The following EDEM3 variants were observed in gnomAD, a reference collection of about 807,000 sequenced individuals.
EDEM3 encodes the protein ER degradation-enhancing alpha-mannosidase-like protein 3.
In EDEM3, 60 loss-of-function variants were observed where a neutral mutation model predicts 110.2. The ratio of observed to expected loss-of-function variants is 0.54; its 90% CI spans 0.44 to 0.67. The LOEUF is 0.67. EDEM3 is among the 30% of genes least tolerant of loss of function. The pLI is 0.00. For missense variants in EDEM3, 996 were observed against 1,121.0 expected, an observed-to-expected ratio of 0.89 and a Z score of 1.59; for synonymous variants, 352 against 382.9, an observed-to-expected ratio of 0.92 and a Z score of 0.94.
Position 184,693,873 on chromosome 1 carries a change from G to T in EDEM3, c.*190C>A. The T allele has an allele frequency of 3.3e-6, 2 of 601,342 alleles. No individual in the cohort carries two copies. The highest frequency in any genetic ancestry group is 5.6e-6 in the Non-Finnish European group (2 of 358,892). The allele number at this position is 601,342 out of a possible 1,614,324, so 37.3% of individuals were successfully genotyped here. A position where few individuals can be genotyped will look rare whatever the true frequency, so the allele number is the denominator to read the frequency against. On this transcript the variant is annotated 3_prime_UTR_variant, in exon 20 of 20. Transcript: ENST00000318130. The stretch of plus-strand genomic sequence containing the variant: ...GTGGATTTCCATTTTTGATGGGACA[G>T]TTTTAAACAAGGTCAATTCTAACAC...
At chr1:184,729,495 T>C (rs2102103570) in intron 6 of EDEM3, among the ~76,000 whole-genome samples, 1 of 152,340 alleles carries the variant, frequency 6.6e-6, no homozygotes, top group Non-Finnish European at 1.5e-5. Context: ...GAAATGGCAT[T>C]ACAAAGTACG....
rs1650047285 is a variant in EDEM3, at chr1:184,708,348, T to C, written c.1846-4A>G. The C allele has an allele frequency of 8.1e-6, 13 of 1,605,166 alleles. No homozygotes were observed. Among genetic ancestry groups the C allele is most frequent in the South Asian group, 2.2e-5 (2 of 88,920 alleles). ...CAGCGTCGATTGAACTAGCAGCCTA[T>C]GAAAAAAACAAATTCATTTTATCCT... On this transcript the variant is annotated splice_region_variant and splice_polypyrimidine_tract_variant and intron_variant, in intron 16 of 19. Coordinates refer to ENST00000318130, the MANE Select transcript of EDEM3 (RefSeq NM_025191.4).
intron 9 of EDEM3, among the ~76,000 whole-genome samples, chr1:184,720,353 G>A (rs936144002): frequency 6.6e-6 from 1 of 151,502 alleles, no homozygotes; most frequent in Admixed American, 6.6e-5. Context: ...TAATCACTTT[G>A]AATGCATAAA....
chr1:184,740,597 C>G (rs115864462), intron 2 of EDEM3, among the ~76,000 whole-genome samples: 74 of 152,228 alleles, frequency 4.9e-4, no homozygotes, highest in African/African-American at 1.8e-3. Flanking sequence ...GCCTCCTAGT[C>G]GCCCCGTGAT....
chr1:184,713,235 C>T (rs1049688569), intron 13 of EDEM3, among the ~76,000 whole-genome samples: 1 of 151,728 alleles, frequency 6.6e-6, no homozygotes, highest in African/African-American at 2.4e-5. Context: ...TCACTGCACT[C>T]CAGCCTGGGT....
At chr1:184,713,095 G>A (rs1295324346) in intron 13 of EDEM3, among the ~76,000 whole-genome samples, 1 of 152,040 alleles carries the variant, frequency 6.6e-6, no homozygotes, top group Admixed American at 6.5e-5. Flanking sequence ...GTGAAACCCC[G>A]TCTCTACTAA....
chr1:184,750,339 A>C (rs1230010162), intron 1 of EDEM3, among the ~76,000 whole-genome samples: 1 of 152,212 alleles, frequency 6.6e-6, no homozygotes, highest in African/African-American at 2.4e-5. Context: ...TCACTACACC[A>C]GAATTTTACT....
chr1:184,711,210 T>C (rs567493121), intron 15 of EDEM3, among the ~76,000 whole-genome samples: 7 of 152,118 alleles, frequency 4.6e-5, no homozygotes, highest in Non-Finnish European at 4.4e-5. Context: ...GCGATTCTAC[T>C]GCCTCAGCTT....
chr1:184,715,334 T>C (rs1650486904), intron 13 of EDEM3, among the ~76,000 whole-genome samples: 2 of 152,224 alleles, frequency 1.3e-5, no homozygotes, highest in Non-Finnish European at 2.9e-5. Context: ...CAGTAAATCA[T>C]GTCTTCCTCT....
At chr1:184,732,183 CA>C (rs1266361059) in intron 6 of EDEM3, among the ~76,000 whole-genome samples, 2 of 147,676 alleles carry the variant, frequency 1.4e-5, no homozygotes, top group East Asian at 2.0e-4. Context: ...TCCCCCCCAC[CA>C]AAAAAAAGAA....
At chr1:184,722,810 G>C (rs1008308874) in intron 8 of EDEM3, among the ~76,000 whole-genome samples, 1 of 151,670 alleles carries the variant, frequency 6.6e-6, no homozygotes, top group African/African-American at 2.4e-5. Flanking sequence ...GTATAAAAAA[G>C]ATGCTTTCAT....
Position 184,706,701 on chromosome 1 carries a change from C to A in EDEM3, c.2145G>T (p.Met715Ile). The stretch of plus-strand genomic sequence containing the variant: ...GGATGTTGCGTGCCTTTTCTGCAAA[C>A]ATGCACTGTCCTCTTTGTATCAGTG... ...KIALIQRGQC[M>I]FAEKARNIQN... Residue 715 changes from methionine (M) to isoleucine (I), a missense_variant, in exon 18 of 20, where the codon ATG (methionine) becomes ATT (isoleucine). Physicochemically the swap from Met to Ile is conservative, Grantham distance 10. Coordinates refer to ENST00000318130, the MANE Select transcript of EDEM3 (RefSeq NM_025191.4). 6.2e-7 allele frequency: 1 copy of A among 1,613,948 alleles called. No homozygotes were observed. The highest frequency in any genetic ancestry group is 8.5e-7 in the Non-Finnish European group (1 of 1,179,876).
chr1:184,724,866 T>C (rs1391904792), intron 7 of EDEM3, among the ~76,000 whole-genome samples: 1 of 152,130 alleles, frequency 6.6e-6, no homozygotes, highest in Non-Finnish European at 1.5e-5. Context: ...AAAAAAATAA[T>C]ATGAGAATTC....
chr1:184,704,839 C>A (rs562571198), intron 18 of EDEM3, among the ~76,000 whole-genome samples: 1 of 151,830 alleles, frequency 6.6e-6, no homozygotes, highest in African/African-American at 2.4e-5. Context: ...AGGCAGAACA[C>A]CTGAGGTCAG....
intron 18 of EDEM3, among the ~76,000 whole-genome samples, chr1:184,704,382 C>T (rs777321007): frequency 2.0e-5 from 3 of 151,974 alleles, no homozygotes; most frequent in Admixed American, 1.3e-4. Flanking sequence ...TGGCTGGGTG[C>T]GGTGGCTCAT....
rs1450897709 is a variant in EDEM3 at position 184,754,642 on chromosome 1, C to G, written c.5G>C (p.Ser2Thr). The change falls in exon 1 of 20, where the codon AGC becomes ACC. Residue 2 changes from serine to threonine, a missense_variant. By Grantham distance (58) the Ser-to-Thr change is moderately conservative (BLOSUM62 1). Around this residue, in one of 5 missense-constraint regions of EDEM3, gnomAD observed 200 missense variants for 183.8 expected, o/e 1.09. Transcript: ENST00000318130. ...CCCACAGCCCCGGCCGCCGGCTTCG[C>G]TCATGGCCCCGCGGTTCCGCGCACG... M[S>T]EAGGRGCGSP... 6.4e-7 allele frequency: 1 copy of G among 1,570,600 alleles called. No individual in the cohort carries two copies. The highest frequency in any genetic ancestry group is 1.4e-5 in the African/African-American group (1 of 73,418).
In EDEM3 at chr1:184,749,530, A is replaced by G. The variant is rs926552617; in HGVS notation, c.204+17T>C. 6.5e-7 allele frequency: 1 copy of G among 1,548,904 alleles called. No individual in the cohort carries two copies. Among genetic ancestry groups the G allele is most frequent in the Middle Eastern group, 1.8e-4 (1 of 5,696 alleles). ...CAACTCACATAAATGGTAGGTAAAG[A>G]TAAGCTTCCTACTTACCATATAGTT... On this transcript the variant is annotated intron_variant, in intron 2 of 19. Coordinates refer to ENST00000318130, the MANE Select transcript of EDEM3 (RefSeq NM_025191.4).
chr1:184,751,724 A>G (rs1025419365), intron 1 of EDEM3, among the ~76,000 whole-genome samples: 3 of 152,242 alleles, frequency 2.0e-5, no homozygotes, highest in Non-Finnish European at 4.4e-5. Context: ...TTCAAAAATT[A>G]CACCACTCTT....
intron 9 of EDEM3, 104 bp from the exon 10 acceptor site, chr1:184,719,672 T>C (rs1650772865): frequency 9.2e-7 from 1 of 1,085,826 alleles, no homozygotes; most frequent in Non-Finnish European, 1.3e-6. Flanking sequence ...AATTTATATA[T>C]AAATTCACTA....
Sources: gnomAD v4.1 joint callset for allele counts (sites outside exome capture counted in the v4.1 genomes callset) on GRCh38, gnomAD v4.1.1 for gene constraint, gnomAD v4.1.1 regional missense constraint, MANE v1.5 for transcripts, NCBI Gene and HGNC (gene_info 2026-07-23, HGNC 2026-07-21) for gene names.